Variants in MED12L observed in about 807,000 individuals in gnomAD.
MED12L encodes the protein mediator of RNA polymerase II transcription subunit 12-like protein.
Under a neutral mutation model 281.3 loss-of-function variants are expected in MED12L, and 60 were observed. That is an observed-to-expected ratio of 0.21 (90% CI 0.17 to 0.26). The LOEUF is 0.26. MED12L is among the 10% of genes least tolerant of loss of function. MED12L has a pLI of 1.00. For missense variants in MED12L, 2,146 were observed against 2,680.9 expected (o/e 0.80, Z 4.41); for synonymous variants, 974 against 987.2 (o/e 0.99, Z 0.25).
At chr3:151,299,992 C>T in intron 16 of MED12L, 1 of 1,025,738 alleles carries the variant, frequency 9.7e-7, no homozygotes, top group Non-Finnish European at 1.6e-6. Flanking sequence ...CATTAAACTC[C>T]CCAAATTCCC....
intron 16 of MED12L, among the ~76,000 whole-genome samples, chr3:151,291,126 C>A (rs559562663): frequency 6.8e-6 from 1 of 146,104 alleles, no homozygotes; most frequent in Non-Finnish European, 1.5e-5. Context: ...ATGGTTCCTA[C>A]GCTTTATTTT....
intron 16 of MED12L, among the ~76,000 whole-genome samples, chr3:151,220,250 T>C (rs1729082091): frequency 6.6e-6 from 1 of 151,752 alleles, no homozygotes; most frequent in Admixed American, 6.6e-5. Context: ...ATGTGTGGAC[T>C]TTGCAGAGAT....
At chr3:151,213,865 A>G (rs559492964) in intron 16 of MED12L, 1 of 1,613,852 alleles carries the variant, frequency 6.2e-7, no homozygotes, top group African/African-American at 1.3e-5. Flanking sequence ...AACAGCAAGG[A>G]GGAGCATGAG....
intron 2 of MED12L, among the ~76,000 whole-genome samples, chr3:151,087,666 C>T (rs1200987612): frequency 2.6e-5 from 4 of 152,144 alleles, no homozygotes; most frequent in Non-Finnish European, 5.9e-5. Flanking sequence ...AGGCGAGTTA[C>T]CTTGGGAGGG....
chr3:151,175,440 TTTAG>T (rs1175198200), intron 11 of MED12L, among the ~76,000 whole-genome samples: 5 of 152,240 alleles, frequency 3.3e-5, no homozygotes, highest in African/African-American at 1.2e-4. Context: ...TTCAACTCTT[TTTAG>T]TTAGCTGTTG....
chr3:151,407,687 GT>G (rs1387099942), intron 39 of MED12L, among the ~76,000 whole-genome samples: 3 of 152,112 alleles, frequency 2.0e-5, no homozygotes, highest in Non-Finnish European at 4.4e-5. Context: ...AGATACAATT[GT>G]TTTTTTAACA....
At chr3:151,238,246 A>G (rs1307625926) in intron 16 of MED12L, among the ~76,000 whole-genome samples, 1 of 152,052 alleles carries the variant, frequency 6.6e-6, no homozygotes, top group East Asian at 1.9e-4. Context: ...TCCCAGGTTC[A>G]AGCAATTCTC....
intron 16 of MED12L, among the ~76,000 whole-genome samples, chr3:151,201,880 A>C (rs1304774189): frequency 3.3e-5 from 5 of 152,242 alleles, no homozygotes; most frequent in African/African-American, 9.6e-5. Flanking sequence ...ATATTACATA[A>C]TAATGGTAAC....
chr3:151,197,211 C>T (rs1322081172), intron 16 of MED12L, among the ~76,000 whole-genome samples: 2 of 151,980 alleles, frequency 1.3e-5, no homozygotes, highest in Non-Finnish European at 2.9e-5. Flanking sequence ...TTGCCCAGGC[C>T]GGAGTGCAGT....
At position 151,434,933 on chromosome 3, in the gene MED12L, C is replaced by CTAAT. The variant is rs954087727; in HGVS notation, c.*2135_*2138dup. 6 of 152,034 alleles carry CTAAT rather than the reference C, an allele frequency of 3.9e-5. No homozygotes were observed. The highest frequency in any genetic ancestry group is 1.2e-4 in the African/African-American group (5 of 41,404). The allele number at this position is 152,034 out of a possible 1,614,324, so 9.4% of individuals were successfully genotyped here. On this transcript the variant is annotated 3_prime_UTR_variant, in exon 45 of 45. Transcript: ENST00000687756. Reference sequence around the variant, plus strand: ...TAGGTGAGGAAGTTATGCTACGACTCTAATTAATTCCACGATTCTATTGAA... The same window carrying CTAAT: ...TAGGTGAGGAAGTTATGCTACGACTCTAATTAATTAATTCCACGATTCTATTGAA...
rs71848482 is a variant in MED12L, at chr3:151,334,192, C to CTTTTTTTTTTTTTTTTTTTTTTTTTTT, written c.2251-15864_2251-15863insTTTTTTTTTTTTTTTTTTTTTTTTTTT. On this transcript the variant is annotated intron_variant, in intron 16 of 44. Transcript: ENST00000687756. ...GATGTTATGTGTTTTTTCTTTCTTT[C>CTTTTTTTTTTTTTTTTTTTTTTTTTTT]TTTCTTTTTTTTTTTGCCATTTCTA... 1.6e-4 allele frequency among the ~76,000 whole-genome samples: 16 copies of CTTTTTTTTTTTTTTTTTTTTTTTTTTT among 99,436 alleles called. 4 individuals are homozygous for CTTTTTTTTTTTTTTTTTTTTTTTTTTT. Among genetic ancestry groups the CTTTTTTTTTTTTTTTTTTTTTTTTTTT allele is most frequent in the Non-Finnish European group, 2.1e-4 (11 of 51,942 alleles). The allele number at this position is 99,436 out of a possible 152,430, so 65.2% of individuals were successfully genotyped here.
intron 16 of MED12L, among the ~76,000 whole-genome samples, chr3:151,206,071 ATTTTT>A (rs60866327): frequency 0.059 from 7,359 of 124,150 alleles, 576 homozygotes; most frequent in African/African-American, 0.2. Context: ...AAAGAAAATA[ATTTTT>A]TTTTTTTTTT....
At chr3:151,357,192 C>T (rs779322353) in intron 19 of MED12L, 21 bp from the exon 20 acceptor site, 45 of 1,556,972 alleles carry the variant, frequency 2.9e-5, no homozygotes, top group Non-Finnish European at 3.8e-5. Flanking sequence ...CATGTTTATT[C>T]AGTCTTTTCT....
chr3:151,288,020 A>G (rs534089327), intron 16 of MED12L, among the ~76,000 whole-genome samples: 2 of 152,358 alleles, frequency 1.3e-5, no homozygotes, highest in East Asian at 1.9e-4. Context: ...ACCTGCTGAT[A>G]TCTAGAGATC....
At chr3:151,341,577 T>TA (rs397783577) in intron 16 of MED12L, among the ~76,000 whole-genome samples, 6 of 151,102 alleles carry the variant, frequency 4.0e-5, no homozygotes, top group African/African-American at 1.2e-4. Flanking sequence ...TTTTTTTTTT[T>TA]AATTTTATTA....
At chr3:151,124,668 G>A (rs911555510) in intron 4 of MED12L, among the ~76,000 whole-genome samples, 3 of 152,174 alleles carry the variant, frequency 2.0e-5, no homozygotes, top group African/African-American at 7.2e-5. Context: ...ATCTTACCTT[G>A]AGTTCATAAT....
chr3:151,384,950 A>G, intron 35 of MED12L, 80 bp from the exon 36 acceptor site: 1 of 790,574 alleles, frequency 1.3e-6, no homozygotes, highest in Admixed American at 2.0e-5. Flanking sequence ...TTCATAGGGG[A>G]ACTTCCTTCT....
chr3:151,187,929 G>A (rs1266575808), intron 12 of MED12L, among the ~76,000 whole-genome samples: 1 of 152,182 alleles, frequency 6.6e-6, no homozygotes, highest in African/African-American at 2.4e-5. Flanking sequence ...TAGCAATTTT[G>A]CATAGGGATA....
chr3:151,182,627 G>C (rs554719725), intron 11 of MED12L, among the ~76,000 whole-genome samples: 19 of 152,144 alleles, frequency 1.2e-4, no homozygotes, highest in African/African-American at 4.3e-4. Flanking sequence ...GGTGGGCTTA[G>C]CATGTCTGAG....
Sources: gnomAD v4.1 joint callset for allele counts (sites outside exome capture counted in the v4.1 genomes callset) on GRCh38, gnomAD v4.1.1 for gene constraint, MANE v1.5 for transcripts, NCBI Gene and HGNC (gene_info 2026-07-23, HGNC 2026-07-21) for gene names.